Variants in GRIK4 observed in about 807,000 individuals in gnomAD.
GRIK4 encodes the protein glutamate ionotropic receptor kainate type subunit 4, also known as glutamate receptor ionotropic, kainate 4.
A neutral mutation model predicts 104.9 loss-of-function variants in GRIK4; 40 were observed. That is an observed-to-expected ratio of 0.38 (90% CI 0.30 to 0.50). The LOEUF is 0.50. Among genes scored for constraint, GRIK4 ranks in the 20% least tolerant of loss-of-function variants. The pLI is 0.93. For missense variants in GRIK4, 1,047 were observed against 1,308.1 expected (o/e 0.80, Z 3.08); for synonymous variants, 485 against 524.9 (o/e 0.92, Z 1.04).
At position 120,712,623 on chromosome 11, in the gene GRIK4, T is replaced by TA. The variant is rs72232565; in HGVS notation, c.82+52240dup. ...GCCAACATAGTAAGACCCTGTCTCT[T>TA]AAAAAAAAAAAAAAAAACTTCTACT... is the stretch of plus-strand genomic sequence containing the variant. On this transcript the variant is annotated intron_variant, in intron 3 of 20. Transcript: ENST00000527524. 7.2e-3 allele frequency among the ~76,000 whole-genome samples: 992 copies of TA among 137,918 alleles called. 7 individuals carry two copies. Among genetic ancestry groups the TA allele is most frequent in the East Asian group, 0.023 (108 of 4,754 alleles). The allele number at this position is 137,918 out of a possible 152,430, so 90.5% of individuals were successfully genotyped here.
At chr11:120,528,151 A>AT (rs1476507217) in intron 1 of GRIK4, among the ~76,000 whole-genome samples, 29 of 151,908 alleles carry the variant, frequency 1.9e-4, no homozygotes, top group Non-Finnish European at 2.8e-4. Flanking sequence ...TTATTTTTGT[A>AT]TTTTTTGTGC....
intron 1 of GRIK4, among the ~76,000 whole-genome samples, chr11:120,587,937 C>G (rs537509423): frequency 3.3e-5 from 5 of 152,322 alleles, no homozygotes; most frequent in South Asian, 4.2e-4. Context: ...TAATTCCATC[C>G]TGATATGGCA....
chr11:120,557,878 C>T (rs1487002086), intron 1 of GRIK4, among the ~76,000 whole-genome samples: 4 of 151,908 alleles, frequency 2.6e-5, no homozygotes, highest in Non-Finnish European at 4.4e-5. Context: ...ATTAGCTGGG[C>T]GCGGTGGCGG....
In GRIK4 at chr11:120,756,213, GTA is replaced by G. The variant is rs543370667; in HGVS notation, c.83-46476_83-46475del. Among the ~76,000 whole-genome samples, 413 of 152,244 alleles carry G rather than the reference GTA, an allele frequency of 2.7e-3. 1 individual carries two copies. Among genetic ancestry groups the G allele is most frequent in the African/African-American group, 9.5e-3 (394 of 41,534 alleles). ...CACCCTTAGGAATAATAGTCTGAAG[GTA>G]TATTTTCATTTGTCAGACATGTGTG... is the stretch of plus-strand genomic sequence containing the variant. On this transcript the variant is annotated intron_variant, in intron 3 of 20. Coordinates refer to ENST00000527524, the MANE Select transcript of GRIK4 (RefSeq NM_014619.5).
intron 1 of GRIK4, among the ~76,000 whole-genome samples, chr11:120,619,355 C>T (rs1303410694): frequency 6.6e-6 from 1 of 152,176 alleles, no homozygotes; most frequent in Non-Finnish European, 1.5e-5. Context: ...TTTGATTTTA[C>T]AGGCTCATAG....
chr11:120,826,771 A>G (rs1469353275), intron 6 of GRIK4, among the ~76,000 whole-genome samples: 2 of 152,138 alleles, frequency 1.3e-5, no homozygotes, highest in African/African-American at 4.8e-5. Context: ...CTGTTCCTGG[A>G]GCAAAGCTTA....
At chr11:120,899,463 C>A (rs569657505) in intron 12 of GRIK4, among the ~76,000 whole-genome samples, 2 of 151,702 alleles carry the variant, frequency 1.3e-5, no homozygotes, top group Non-Finnish European at 2.9e-5. Context: ...AGACCATGTG[C>A]CCTTTTTTAT....
At position 120,641,373 on chromosome 11, in the gene GRIK4, TA is replaced by T. The variant is rs543463349; in HGVS notation, c.-158-12299del. 2.1e-3 allele frequency among the ~76,000 whole-genome samples: 288 copies of T among 139,092 alleles called. 1 individual carries two copies. The highest frequency in any genetic ancestry group is 7.4e-3 in the Middle Eastern group (2 of 272). 91.2% of individuals were successfully genotyped at this position (139,092 alleles called of 152,430 possible). On this transcript the variant is annotated intron_variant, in intron 1 of 20. Transcript: ENST00000527524. Reference sequence around the variant, plus strand: ...ATATAGTAAATTGAACTGTAAAAGTTAAAAAAAAAAAAACAACTAAAGGAAT... The same window carrying T: ...ATATAGTAAATTGAACTGTAAAAGTTAAAAAAAAAAAACAACTAAAGGAAT...
chr11:120,598,694 T>C (rs1028072261), intron 1 of GRIK4, among the ~76,000 whole-genome samples: 2 of 152,206 alleles, frequency 1.3e-5, no homozygotes, highest in Non-Finnish European at 1.5e-5. Context: ...TGGCCTCTTA[T>C]CTTCCAAGAG....
chr11:120,785,863 T>C (rs879602), intron 3 of GRIK4, among the ~76,000 whole-genome samples: 18,090 of 152,208 alleles, frequency 0.12, 1,245 homozygotes, highest in Middle Eastern at 0.15. Context: ...CCTGCCCTCC[T>C]GGCCCTTTTG....
chr11:120,765,452 A>G (rs1429227039), intron 3 of GRIK4, among the ~76,000 whole-genome samples: 3 of 151,984 alleles, frequency 2.0e-5, no homozygotes, highest in East Asian at 3.9e-4. Flanking sequence ...TCTGAAGCCT[A>G]CTTCTATCAA....
chr11:120,633,178 T>G (rs1388966351), intron 1 of GRIK4, among the ~76,000 whole-genome samples: 2 of 152,126 alleles, frequency 1.3e-5, no homozygotes, highest in Admixed American at 1.3e-4. Context: ...GTTCAGAGTC[T>G]TCTTGGCCTG....
intron 3 of GRIK4, among the ~76,000 whole-genome samples, chr11:120,675,389 G>A (rs147232485): frequency 6.6e-6 from 1 of 152,250 alleles, no homozygotes; most frequent in Non-Finnish European, 1.5e-5. Context: ...AAATTTGTGT[G>A]CCTGAATCCC....
At chr11:120,787,069 G>A (rs1015000437) in intron 3 of GRIK4, among the ~76,000 whole-genome samples, 2 of 152,182 alleles carry the variant, frequency 1.3e-5, no homozygotes, top group African/African-American at 2.4e-5. Flanking sequence ...TGTCATCCCA[G>A]CACTTTGGGA....
intron 13 of GRIK4, among the ~76,000 whole-genome samples, chr11:120,907,531 A>G (rs1175723302): frequency 6.6e-6 from 1 of 152,314 alleles, no homozygotes; most frequent in East Asian, 1.9e-4. Flanking sequence ...TAACCCATTA[A>G]TTCAATAAAT....
intron 4 of GRIK4, among the ~76,000 whole-genome samples, chr11:120,808,840 A>T (rs959998629): frequency 6.6e-6 from 1 of 152,154 alleles, no homozygotes; most frequent in Non-Finnish European, 1.5e-5. Flanking sequence ...AGCATCGGGA[A>T]GTGCTTCCGT....
chr11:120,621,881 T>C (rs1949194062), intron 1 of GRIK4, among the ~76,000 whole-genome samples: 1 of 151,874 alleles, frequency 6.6e-6, no homozygotes, highest in African/African-American at 2.4e-5. Context: ...ATATATGTCA[T>C]TTATTATTAT....
At chr11:120,619,968 A>T in intron 1 of GRIK4, 1 of 457,314 alleles carries the variant, frequency 2.2e-6, no homozygotes, top group East Asian at 3.3e-5. Flanking sequence ...CAGCAGTTCT[A>T]GTGCAGTTTC....
intron 3 of GRIK4, among the ~76,000 whole-genome samples, chr11:120,772,434 C>G (rs1168548281): frequency 6.6e-6 from 1 of 152,142 alleles, no homozygotes; most frequent in South Asian, 2.1e-4. Flanking sequence ...GCATGCTAGG[C>G]TCTGTAGTAA....
Sources: gnomAD v4.1 joint callset for allele counts (sites outside exome capture counted in the v4.1 genomes callset) on GRCh38, gnomAD v4.1.1 for gene constraint, MANE v1.5 for transcripts, NCBI Gene and HGNC (gene_info 2026-07-23, HGNC 2026-07-21) for gene names.